The following TRPC4 variants were observed in gnomAD, a reference collection of about 807,000 sequenced individuals.
TRPC4 encodes short transient receptor potential channel 4.
In TRPC4, 49 loss-of-function variants were observed where a neutral mutation model predicts 99.4. The observed-to-expected ratio is 0.49, with a 90% CI of 0.39 to 0.63. The LOEUF (loss-of-function observed/expected upper bound fraction) is 0.63, where lower values mean the gene tolerates loss of function less well. TRPC4 is among the 20% of genes least tolerant of loss of function. The pLI is 0.00. For synonymous variants in TRPC4, 454 were observed against 425.9 expected (o/e 1.07, Z -0.81); for missense variants, 898 against 1,152.9 (o/e 0.78, Z 3.20).
intron 6 of TRPC4, among the ~76,000 whole-genome samples, chr13:37,657,836 G>A: frequency 6.6e-6 from 1 of 152,204 alleles, no homozygotes; most frequent in South Asian, 2.1e-4. Flanking sequence ...TAAATAAAGT[G>A]ACATTTCATG....
rs1952042996 is a variant in TRPC4 at position 37,651,531 on chromosome 13, C to G, written c.1885-72G>C. The G allele has an allele frequency of 2.1e-6, 3 of 1,398,508 alleles. No individual in the cohort carries two copies. The African/African-American group carries it at 4.3e-5, about 20-fold the overall frequency. 86.6% of individuals were successfully genotyped at this position (1,398,508 alleles called of 1,614,324 possible). ...AGGTACCATAAATCTCACAGAGATC[C>G]TGTAACCTGACTTCAAGCGGCTCTT... On this transcript the variant is annotated intron_variant, in intron 7 of 10. Coordinates refer to ENST00000379705, the MANE Select transcript of TRPC4 (RefSeq NM_016179.4).
chr13:37,779,590 C>A (rs1956787058), intron 2 of TRPC4, among the ~76,000 whole-genome samples: 2 of 151,976 alleles, frequency 1.3e-5, no homozygotes, highest in Non-Finnish European at 1.5e-5. Flanking sequence ...AATCACAAAT[C>A]TGTAAAACAT....
At chr13:37,750,041 A>AT (rs1207314362) in intron 2 of TRPC4, among the ~76,000 whole-genome samples, 1 of 152,178 alleles carries the variant, frequency 6.6e-6, no homozygotes, top group Non-Finnish European at 1.5e-5. Context: ...GGTTATCAGT[A>AT]TAAGTAACTT....
At chr13:37,727,658 A>G (rs1228343847) in intron 3 of TRPC4, among the ~76,000 whole-genome samples, 1 of 152,088 alleles carries the variant, frequency 6.6e-6, no homozygotes, top group African/African-American at 2.4e-5. Flanking sequence ...ACAAACTTTC[A>G]GTGAGACTGA....
chr13:37,845,473 T>G (rs1958865511), intron 1 of TRPC4, among the ~76,000 whole-genome samples: 7 of 151,978 alleles, frequency 4.6e-5, no homozygotes, highest in Admixed American at 4.6e-4. Context: ...TAAAAAATTA[T>G]GAAGCCATAA....
At chr13:37,672,302 T>A (rs2138749106) in intron 5 of TRPC4, among the ~76,000 whole-genome samples, 1 of 152,326 alleles carries the variant, frequency 6.6e-6, no homozygotes, top group African/African-American at 2.4e-5. Flanking sequence ...AAATATTGTC[T>A]AAATAGATGT....
intron 1 of TRPC4, among the ~76,000 whole-genome samples, chr13:37,814,592 G>A (rs1485910087): frequency 1.3e-5 from 2 of 151,908 alleles, no homozygotes; most frequent in Admixed American, 6.6e-5. Context: ...TTAGGTATAT[G>A]TTTAAGTGAA....
chr13:37,703,351 T>C (rs1484078248), intron 3 of TRPC4, among the ~76,000 whole-genome samples: 1 of 152,128 alleles, frequency 6.6e-6, no homozygotes, highest in African/African-American at 2.4e-5. Flanking sequence ...AACGTCTACC[T>C]AGATGCAACA....
At chr13:37,846,976 T>C (rs973720542) in intron 1 of TRPC4, among the ~76,000 whole-genome samples, 1 of 151,934 alleles carries the variant, frequency 6.6e-6, no homozygotes, top group Non-Finnish European at 1.5e-5. Context: ...TATTACATAA[T>C]AATAAAGGAA....
At chr13:37,809,723 T>A (rs565351777) in intron 1 of TRPC4, among the ~76,000 whole-genome samples, 15 of 152,050 alleles carry the variant, frequency 9.9e-5, no homozygotes, top group Non-Finnish European at 2.2e-4. Context: ...GTAGGCAGGA[T>A]CCTGTGGCTC....
chr13:37,850,088 T>G (rs58189528), intron 1 of TRPC4, among the ~76,000 whole-genome samples: 4,635 of 152,288 alleles, frequency 0.03, 141 homozygotes, highest in African/African-American at 0.078. Context: ...CAGAGCATCT[T>G]TAATAAAATA....
At chr13:37,734,444 A>T (rs1955335624) in intron 3 of TRPC4, among the ~76,000 whole-genome samples, 1 of 152,118 alleles carries the variant, frequency 6.6e-6, no homozygotes, top group Non-Finnish European at 1.5e-5. Context: ...GTTTAGAGAC[A>T]GAGAGAAGAT....
rs1402835932 is a variant in TRPC4 at position 37,703,000 on chromosome 13, A to G, written c.898-10665T>C. On this transcript the variant is annotated intron_variant, in intron 3 of 10. Coordinates refer to ENST00000379705, the MANE Select transcript of TRPC4 (RefSeq NM_016179.4). ...AAAAAATTGAAGGTTGGAAAAAAGA[A>G]GGGTCATAAAGCTTTAATGTAGTCC... Among the ~76,000 whole-genome samples, 4 of 152,200 alleles carry G rather than the reference A, an allele frequency of 2.6e-5. No homozygotes were observed. The East Asian group carries it at 7.7e-4, about 29-fold the overall frequency.
chr13:37,868,634 A>ATTT (rs34686635), intron 1 of TRPC4, among the ~76,000 whole-genome samples: 7 of 149,558 alleles, frequency 4.7e-5, no homozygotes, highest in South Asian at 2.1e-4. Flanking sequence ...AAGTCTGTCT[A>ATTT]TTTTTTTTTT....
At chr13:37,799,639 T>C (rs1281971793) in intron 1 of TRPC4, among the ~76,000 whole-genome samples, 1 of 151,926 alleles carries the variant, frequency 6.6e-6, no homozygotes, top group Non-Finnish European at 1.5e-5. Context: ...GTTTGTGTCC[T>C]AGAAGACATA....
chr13:37,768,435 G>A (rs1956449504), intron 2 of TRPC4, among the ~76,000 whole-genome samples: 1 of 151,340 alleles, frequency 6.6e-6, no homozygotes, highest in South Asian at 2.1e-4. Context: ...TCTTCCTGAT[G>A]GAATGATGGC....
At chr13:37,760,615 A>G (rs899131260) in intron 2 of TRPC4, among the ~76,000 whole-genome samples, 3 of 151,984 alleles carry the variant, frequency 2.0e-5, no homozygotes, top group African/African-American at 7.2e-5. Flanking sequence ...AAGCTTTAGT[A>G]CAAGTCCATG....
Position 37,867,386 on chromosome 13 carries a change from A to T in TRPC4, c.-28+2209T>A, listed in dbSNP as rs549108984. On this transcript the variant is annotated intron_variant, in intron 1 of 10. Coordinates refer to ENST00000379705, the MANE Select transcript of TRPC4 (RefSeq NM_016179.4). The stretch of plus-strand genomic sequence containing the variant: ...ATGCTGATCATCTGAATTGCTATAA[A>T]TAATCCTGGCAATTAAACATGCAGG... Among the ~76,000 whole-genome samples, 9 of 152,190 alleles carry T rather than the reference A, an allele frequency of 5.9e-5. 1 individual carries two copies. The South Asian group carries it at 1.9e-3, about 32-fold the overall frequency.
intron 2 of TRPC4, among the ~76,000 whole-genome samples, chr13:37,751,364 C>A (rs7336444): frequency 0.99 from 150,655 of 152,124 alleles, 74,620 homozygotes; most frequent in Middle Eastern, 1. Context: ...GAAAATGTAC[C>A]TTTTATTTTT....
Sources: allele counts gnomAD v4.1 joint callset (sites outside exome capture counted in the v4.1 genomes callset), GRCh38; gene constraint gnomAD v4.1.1; transcripts MANE v1.5; gene names NCBI Gene and HGNC (gene_info 2026-07-23, HGNC 2026-07-21).